Variants in FAT3 observed in about 807,000 individuals in gnomAD.
FAT3 encodes the protein protocadherin Fat 3.
Under a neutral mutation model 310.2 loss-of-function variants are expected in FAT3, and 95 were observed. That is an observed-to-expected ratio of 0.31 (90% CI 0.26 to 0.36). FAT3 has a LOEUF of 0.36. Ranked by LOEUF, FAT3 falls within the 10% of genes least tolerant of loss-of-function variation. The pLI is 1.00. For synonymous variants in FAT3, 2,314 were observed against 2,192.9 expected, an observed-to-expected ratio of 1.06 and a Z score of -1.54; for missense variants, 5,408 against 5,715.6, an observed-to-expected ratio of 0.95 and a Z score of 1.74.
chr11:92,325,982 C>T (rs1471054110), intron 1 of FAT3, among the ~76,000 whole-genome samples: 2 of 152,164 alleles, frequency 1.3e-5, no homozygotes, highest in Non-Finnish European at 2.9e-5. Context: ...CATTACTAAG[C>T]CCTTTCAGCT....
chr11:92,397,786 T>C (rs550422874), intron 2 of FAT3, among the ~76,000 whole-genome samples: 7 of 151,868 alleles, frequency 4.6e-5, no homozygotes, highest in Non-Finnish European at 1.0e-4. Context: ...GCCTTCTGTC[T>C]TAAGGGGATT....
chr11:92,620,137 A>G (rs1200830032), intron 3 of FAT3, among the ~76,000 whole-genome samples: 1 of 152,008 alleles, frequency 6.6e-6, no homozygotes, highest in Non-Finnish European at 1.5e-5. Flanking sequence ...GTGTTGTTTA[A>G]TTTTCACATA....
At chr11:92,793,964 A>G (rs1270794310) in intron 9 of FAT3, among the ~76,000 whole-genome samples, 2 of 152,174 alleles carry the variant, frequency 1.3e-5, no homozygotes, top group East Asian at 1.9e-4. Flanking sequence ...TCATTGAATG[A>G]TAACTTAGAA....
intron 2 of FAT3, among the ~76,000 whole-genome samples, chr11:92,444,235 C>T (rs892559436): frequency 6.6e-6 from 1 of 152,102 alleles, no homozygotes; most frequent in East Asian, 1.9e-4. Flanking sequence ...GTTTTCCCTT[C>T]CAGAAGTGAC....
chr11:92,711,662 T>A (rs1944525792), intron 4 of FAT3, among the ~76,000 whole-genome samples: 1 of 152,192 alleles, frequency 6.6e-6, no homozygotes, highest in African/African-American at 2.4e-5. Context: ...GAAGGAAAAA[T>A]TATACAGTGT....
intron 1 of FAT3, among the ~76,000 whole-genome samples, chr11:92,239,157 G>A (rs757964152): frequency 2.6e-5 from 4 of 152,048 alleles, no homozygotes; most frequent in Non-Finnish European, 5.9e-5. Context: ...TGTTCAGGAG[G>A]TGTCAGAATA....
At position 92,867,161 on chromosome 11, in the gene FAT3, C is replaced by G. The variant is rs1448732021; in HGVS notation, c.12079C>G (p.Arg4027Gly). The G allele has an allele frequency of 1.3e-6, 2 of 1,597,164 alleles. No individual in the cohort carries two copies. Among genetic ancestry groups the G allele is most frequent in the African/African-American group, 1.3e-5 (1 of 74,864 alleles). Residue 4027 changes from arginine to glycine, a missense_variant, in exon 22 of 28, where the codon CGC (arginine) becomes GGC (glycine). By Grantham distance (125) the Arg-to-Gly change is moderately radical. This residue lies in a region of FAT3 where 4,588 missense variants were observed against 4,809.8 expected (regional missense o/e 0.95). Coordinates refer to ENST00000525166, the MANE Select transcript of FAT3 (RefSeq NM_001367949.2). Reference sequence around the variant, plus strand: ...CGTGCTCTATCCCGACGCCTGCAAGCGCAGCCCGTGCCAGCACGGGGGCAG... The same window carrying G: ...CGTGCTCTATCCCGACGCCTGCAAGGGCAGCCCGTGCCAGCACGGGGGCAG... ...GCVLYPDACK[R>G]SPCQHGGSCT... is the part of the protein sequence containing the mutation.
rs1227607179 is a variant in FAT3 at position 92,893,995 on chromosome 11, C to T, written c.*2882C>T. ...TTAATTCGCTTAACAAGGAGTAGAA[C>T]CCATCCATCTAGCCAATATTCTTTT... On this transcript the variant is annotated 3_prime_UTR_variant, in exon 28 of 28. Coordinates refer to ENST00000525166, the MANE Select transcript of FAT3 (RefSeq NM_001367949.2). 2 of 152,210 alleles carry T rather than the reference C, an allele frequency of 1.3e-5. No homozygotes were observed. The highest frequency in any genetic ancestry group is 4.8e-5 in the African/African-American group (2 of 41,450). 9.4% of individuals were successfully genotyped at this position (152,210 alleles called of 1,614,324 possible). A position where few individuals can be genotyped will look rare whatever the true frequency, so the allele number is the denominator to read the frequency against.
intron 4 of FAT3, among the ~76,000 whole-genome samples, chr11:92,720,436 C>A (rs1022830122): frequency 6.6e-6 from 1 of 152,154 alleles, no homozygotes; most frequent in Non-Finnish European, 1.5e-5. Context: ...GATGGATACA[C>A]ATAAAGAGAG....
chr11:92,298,944 T>C (rs1479109820), intron 1 of FAT3, among the ~76,000 whole-genome samples: 1 of 152,082 alleles, frequency 6.6e-6, no homozygotes, highest in African/African-American at 2.4e-5. Flanking sequence ...AGAACACTTA[T>C]CTAATCTGAG....
intron 8 of FAT3, 57 bp from the exon 9 acceptor site, chr11:92,792,710 G>A (rs971704090): frequency 1.9e-6 from 3 of 1,543,248 alleles, no homozygotes; most frequent in African/African-American, 2.7e-5. Context: ...ACATAGCCAT[G>A]TGAGTTCTTT....
intron 3 of FAT3, among the ~76,000 whole-genome samples, chr11:92,533,859 C>T (rs1954160547): frequency 6.6e-6 from 1 of 151,886 alleles, no homozygotes; most frequent in African/African-American, 2.4e-5. Flanking sequence ...GGTGTAGCTG[C>T]TGTTGGAAAT....
intron 3 of FAT3, among the ~76,000 whole-genome samples, chr11:92,601,948 G>A (rs1305506974): frequency 6.6e-6 from 1 of 152,084 alleles, no homozygotes; most frequent in Non-Finnish European, 1.5e-5. Context: ...TTGGAAGACT[G>A]ATGTTCCAGC....
At chr11:92,627,224 G>T (rs957089893) in intron 3 of FAT3, among the ~76,000 whole-genome samples, 2 of 152,154 alleles carry the variant, frequency 1.3e-5, no homozygotes, top group Admixed American at 6.5e-5. Flanking sequence ...TTATATAAAG[G>T]TTAGTAAGAA....
intron 3 of FAT3, among the ~76,000 whole-genome samples, chr11:92,554,019 T>C (rs1333577804): frequency 6.6e-6 from 1 of 151,968 alleles, no homozygotes; most frequent in Non-Finnish European, 1.5e-5. Context: ...TTGGCCAGGC[T>C]GGTCTGGAAC....
intron 7 of FAT3, among the ~76,000 whole-genome samples, chr11:92,779,972 G>A (rs184738828): frequency 6.6e-6 from 1 of 152,038 alleles, no homozygotes; most frequent in South Asian, 2.1e-4. Context: ...GAAACCAGGG[G>A]CCTCCGTTCT....
chr11:92,577,670 G>T (rs1271418493), intron 3 of FAT3, among the ~76,000 whole-genome samples: 1 of 152,046 alleles, frequency 6.6e-6, no homozygotes, highest in African/African-American at 2.4e-5. Context: ...CTCAAGAAAG[G>T]AAAGCTACTT....
At chr11:92,580,380 C>A (rs1034510707) in intron 3 of FAT3, among the ~76,000 whole-genome samples, 4 of 152,020 alleles carry the variant, frequency 2.6e-5, no homozygotes, top group African/African-American at 9.7e-5. Flanking sequence ...ACTAGCTGTG[C>A]CTGTCAAAAG....
At chr11:92,631,137 A>G (rs1445794363) in intron 3 of FAT3, among the ~76,000 whole-genome samples, 1 of 152,158 alleles carries the variant, frequency 6.6e-6, no homozygotes, top group African/African-American at 2.4e-5. Context: ...GAGGGTGGCT[A>G]TTTTGTTTAA....
Sources: gnomAD v4.1 joint callset for allele counts (sites outside exome capture counted in the v4.1 genomes callset) on GRCh38, gnomAD v4.1.1 for gene constraint, gnomAD v4.1.1 regional missense constraint, MANE v1.5 for transcripts, NCBI Gene and HGNC (gene_info 2026-07-23, HGNC 2026-07-21) for gene names.